CAST: variants seen among roughly 807,000 people sequenced by gnomAD.
The protein encoded by CAST is MIR583 host.
CAST carries 76 observed loss-of-function variants against 119.6 expected under a neutral mutation model. That is an observed-to-expected ratio of 0.64 (90% CI 0.53 to 0.77). The LOEUF is 0.77. Ranked by LOEUF, CAST falls within the 30% of genes least tolerant of loss-of-function variation. The pLI is 0.00. For synonymous variants in CAST, 319 were observed against 331.6 expected (o/e 0.96, Z 0.41); for missense variants, 953 against 946.5 (o/e 1.01, Z -0.09).
chr5:96,341,526 A>C, the CAST span, among the ~76,000 whole-genome samples: 1 of 152,118 alleles, frequency 6.6e-6, no homozygotes, highest in African/African-American at 2.4e-5. Flanking sequence ...AACAACCCAC[A>C]GTCTTCTTAA....
chr5:96,704,473 G>A (rs1436407839), intron 3 of CAST, among the ~76,000 whole-genome samples: 1 of 152,184 alleles, frequency 6.6e-6, no homozygotes, highest in African/African-American at 2.4e-5. Flanking sequence ...AAAATCAGCT[G>A]AGTATTTATG....
At chr5:96,103,499 T>C in the CAST span, among the ~76,000 whole-genome samples, 5 of 151,220 alleles carry the variant, frequency 3.3e-5, no homozygotes, top group African/African-American at 1.2e-4. Context: ...TGATTTCCAA[T>C]TTCATCCATG....
At chr5:96,606,903 C>T (rs1303870011) in intron 1 of CAST, among the ~76,000 whole-genome samples, 1 of 152,166 alleles carries the variant, frequency 6.6e-6, no homozygotes, top group Non-Finnish European at 1.5e-5. Flanking sequence ...GGGGCCCTCC[C>T]CAGGCCAACT....
the CAST span, among the ~76,000 whole-genome samples, chr5:96,046,096 T>C: frequency 2.0e-5 from 3 of 151,954 alleles, no homozygotes; most frequent in Non-Finnish European, 4.4e-5. Context: ...GTTTAGTAAG[T>C]TCAGGAAGTG....
intron 1 of CAST, among the ~76,000 whole-genome samples, chr5:96,638,793 G>T (rs571034330): frequency 6.6e-6 from 1 of 152,304 alleles, no homozygotes; most frequent in South Asian, 2.1e-4. Context: ...TTTTGTGTCA[G>T]TTCCATCTAA....
chr5:96,746,199 G>A (rs988328762), intron 16 of CAST, 143 bp from the exon 17 acceptor site: 9 of 646,042 alleles, frequency 1.4e-5, no homozygotes, highest in Non-Finnish European at 2.5e-5. Context: ...ATCGTCTTGT[G>A]CTTTGTAGTT....
the CAST span, among the ~76,000 whole-genome samples, chr5:96,073,782 T>G: frequency 1.3e-5 from 2 of 152,336 alleles, no homozygotes; most frequent in African/African-American, 4.8e-5. Flanking sequence ...CCTTCTGCTG[T>G]GCGACCCTGT....
At chr5:96,400,000 C>T in the CAST span, 1 of 1,614,216 alleles carries the variant, frequency 6.2e-7, no homozygotes, top group South Asian at 1.1e-5. Flanking sequence ...TCTTCTCAGG[C>T]ACGCTCCTCC....
chr5:96,304,799 A>G, the CAST span, among the ~76,000 whole-genome samples: 1 of 152,044 alleles, frequency 6.6e-6, no homozygotes, highest in Non-Finnish European at 1.5e-5. Context: ...GTTCTGTTCC[A>G]TTGGTCTATA....
At chr5:96,160,801 T>C in the CAST span, among the ~76,000 whole-genome samples, 2 of 152,216 alleles carry the variant, frequency 1.3e-5, no homozygotes, top group Non-Finnish European at 2.9e-5. Flanking sequence ...ATATTCACCC[T>C]ACTGGGTGTG....
At chr5:96,488,034 T>A in the CAST span, among the ~76,000 whole-genome samples, 1 of 152,204 alleles carries the variant, frequency 6.6e-6, no homozygotes, top group Non-Finnish European at 1.5e-5. Context: ...ACTCATAAAA[T>A]TTTAATAGAA....
intron 2 of CAST, among the ~76,000 whole-genome samples, chr5:96,680,139 AG>A (rs1290371541): frequency 4.6e-5 from 7 of 151,618 alleles, no homozygotes; most frequent in African/African-American, 1.7e-4. Flanking sequence ...TCACAAGGTC[AG>A]GAGTTCAAGA....
chr5:96,208,359 G>A, the CAST span, among the ~76,000 whole-genome samples: 1 of 151,654 alleles, frequency 6.6e-6, no homozygotes, highest in African/African-American at 2.4e-5. Flanking sequence ...TTCTTGTTCT[G>A]TTAGCTTTAG....
the CAST span, among the ~76,000 whole-genome samples, chr5:96,304,950 T>C: frequency 2.0e-5 from 3 of 152,222 alleles, no homozygotes; most frequent in Admixed American, 1.3e-4. Context: ...TTTGGTTCCA[T>C]ATAAAATTTA....
At chr5:96,036,172 G>C in the CAST span, among the ~76,000 whole-genome samples, 1 of 149,940 alleles carries the variant, frequency 6.7e-6, no homozygotes, top group Non-Finnish European at 1.5e-5. Context: ...TTTTTTTTTG[G>C]AATTTTCCTA....
At chr5:96,608,956 T>C (rs533745796) in intron 1 of CAST, among the ~76,000 whole-genome samples, 2 of 152,076 alleles carry the variant, frequency 1.3e-5, no homozygotes, top group African/African-American at 4.8e-5. Context: ...CCACCAAGCC[T>C]CTCCTCCAAC....
At chr5:96,508,016 TTATTATTATTA>T in the CAST span, among the ~76,000 whole-genome samples, 7 of 149,046 alleles carry the variant, frequency 4.7e-5, no homozygotes, top group Non-Finnish European at 8.9e-5. Context: ...ATTATTATTA[TTATTATTATTA>T]TTATTTTATG....
chr5:96,245,889 T>TC, the CAST span, among the ~76,000 whole-genome samples: 1 of 152,082 alleles, frequency 6.6e-6, no homozygotes, highest in South Asian at 2.1e-4. Context: ...GGCTGACTGG[T>TC]CTTATATGGG....
the CAST span, among the ~76,000 whole-genome samples, chr5:96,349,137 C>T: frequency 3.2e-5 from 1 of 31,322 alleles, no homozygotes; most frequent in Non-Finnish European, 5.9e-5. Context: ...AACAAGGACA[C>T]TATTTTTTTT....
Sources: gnomAD v4.1 joint callset for allele counts (sites outside exome capture counted in the v4.1 genomes callset) on GRCh38, gnomAD v4.1.1 for gene constraint, MANE v1.5 for transcripts, NCBI Gene and HGNC (gene_info 2026-07-23, HGNC 2026-07-21) for gene names.